The following SRRT variants were observed in gnomAD, a reference collection of about 807,000 sequenced individuals.
The protein encoded by SRRT is serrate RNA effector molecule homolog.
In SRRT, 32 loss-of-function variants were observed where a neutral mutation model predicts 103.2. The ratio of observed to expected loss-of-function variants is 0.31; its 90% CI spans 0.23 to 0.42. The LOEUF (loss-of-function observed/expected upper bound fraction) is 0.42, where lower values mean the gene tolerates loss of function less well. Among genes scored for constraint, SRRT ranks in the 10% least tolerant of loss-of-function variants. The pLI is 1.00. For synonymous variants in SRRT, 525 were observed against 449.0 expected (o/e 1.17, Z -2.14); for missense variants, 986 against 1,207.5 (o/e 0.82, Z 2.72).
chr7:100,887,118 C>A lies in SRRT; in HGVS notation c.1893C>A (p.Pro631=). Residue 631 remains proline (P), a synonymous_variant, in exon 15 of 20, where the codon CCC becomes CCA. Transcript: ENST00000611405. The surrounding 1 kb of genome is among the most constrained non-coding windows in gnomAD (Gnocchi z 4.1). ...ATTATTACAACACCTGTGAGTACCC[C>A]AACGAGGACGAGATGCCCAATCGCT... The part of the protein sequence containing the change: ...SLDYYNTCEY[P]NEDEMPNRCG... The A allele has an allele frequency of 1.9e-6, 3 of 1,614,230 alleles. No homozygotes were observed. The highest frequency in any genetic ancestry group is 1.7e-6 in the Non-Finnish European group (2 of 1,180,046).
In SRRT at chr7:100,885,116, G is replaced by T; in HGVS notation, c.1159+76G>T. The T allele has an allele frequency of 6.2e-7, 1 of 1,604,052 alleles. No homozygotes were observed. The highest frequency in any genetic ancestry group is 1.3e-5 in the African/African-American group (1 of 74,636). ...GGTGAGAGGTTGGCGACATTGACGG[G>T]AGGGTGGGTGGCTTTTAGGGGAAAG... On this transcript the variant is annotated intron_variant, in intron 9 of 19. Coordinates refer to ENST00000611405, the MANE Select transcript of SRRT (RefSeq NM_015908.6). The surrounding 1 kb of genome is among the most constrained non-coding windows in gnomAD (Gnocchi z 4.8).
rs1167536782 is a variant in SRRT, at chr7:100,875,626, C to G, written c.36C>G (p.Arg12=). 1 of 1,614,038 alleles carries G rather than the reference C, an allele frequency of 6.2e-7. No homozygotes were observed. Among genetic ancestry groups the G allele is most frequent in the Non-Finnish European group, 8.5e-7 (1 of 1,179,992 alleles). Residue 12 remains arginine (R), a synonymous_variant, in exon 2 of 20, where the codon CGC becomes CGG. Coordinates refer to ENST00000611405, the MANE Select transcript of SRRT (RefSeq NM_015908.6). ...GDSDDEYDRR[R]RDKFRRERSD... ...GTGATGACGAGTACGATCGAAGGCGCAGGGACAAGTTCAGAAGAGAGCGCA... is the reference window on the plus strand; with the variant it reads ...GTGATGACGAGTACGATCGAAGGCGGAGGGACAAGTTCAGAAGAGAGCGCA...
chr7:100,881,490 C>T (rs1213418949), intron 3 of SRRT, 77 bp downstream of exon 3: 3 of 1,578,110 alleles, frequency 1.9e-6, no homozygotes, highest in Non-Finnish European at 2.6e-6. Context: ...CTCACCTGTG[C>T]CTAAATCTTT....
In SRRT at chr7:100,887,626, GGAATCCTTCCAGCTC is replaced by G; in HGVS notation, c.2170-75_2170-61del. On this transcript the variant is annotated intron_variant, in intron 16 of 19. Transcript: ENST00000611405. The surrounding 1 kb of genome is among the most constrained non-coding windows in gnomAD (Gnocchi z 4.1). ...TTACTGCACTGGCAGGCGGGAGCTG[GGAATCCTTCCAGCTC>G]GGGCCTGGGAGCGAGGCAACCCTTA... is the stretch of plus-strand genomic sequence containing the variant. The G allele has an allele frequency of 6.3e-7, 1 of 1,576,700 alleles. No homozygotes were observed. Among genetic ancestry groups the G allele is most frequent in the Non-Finnish European group, 8.6e-7 (1 of 1,157,132 alleles).
At chr7:100,875,881 TGGCTTGG>T in intron 2 of SRRT, 169 bp downstream of exon 2, 1 of 770,524 alleles carries the variant, frequency 1.3e-6, no homozygotes, top group Non-Finnish European at 2.0e-6. Context: ...TAACTAGCTG[TGGCTTGG>T]TTTTTGAAAT....
At position 100,886,840 on chromosome 7, in the gene SRRT, C is replaced by T. The variant is rs1790170181; in HGVS notation, c.1693C>T (p.Leu565=). 1.9e-6 allele frequency: 3 copies of T among 1,614,216 alleles called. No individual in the cohort carries two copies. The South Asian group carries it at 3.3e-5, about 18-fold the overall frequency. The change falls in exon 14 of 20, where the codon CTG becomes TTG. Residue 565 remains leucine (L), a synonymous_variant. Coordinates refer to ENST00000611405, the MANE Select transcript of SRRT (RefSeq NM_015908.6). ...NPILKNITDY[L]IEEVSAEEEE... The stretch of plus-strand genomic sequence containing the variant: ...GATCTTGAAGAATATCACCGACTAC[C>T]TGATCGAGGAAGTAAGCGCCGAGGA...
Position 100,887,680 on chromosome 7 carries a change from A to AC in SRRT, c.2170-19dup. On this transcript the variant is annotated intron_variant, in intron 16 of 19. Transcript: ENST00000611405. This position sits in a 1 kb window ranked among gnomAD's most constrained non-coding sequence, Gnocchi z 4.1. ...AGGCAACCCTTATGTGGCTGTCCTG[A>AC]CCCCTCTCCTCTCTCCACCCAGGGT... The AC allele has an allele frequency of 6.3e-7, 1 of 1,599,036 alleles. No homozygotes were observed. Among genetic ancestry groups the AC allele is most frequent in the African/African-American group, 1.3e-5 (1 of 74,578 alleles).
chr7:100,886,942 G>C lies in SRRT; in HGVS notation c.1795G>C (p.Val599Leu). The C allele has an allele frequency of 1.9e-6, 3 of 1,612,506 alleles. No individual in the cohort carries two copies. The East Asian group carries it at 6.7e-5, about 36-fold the overall frequency. The change falls in exon 14 of 20, where the codon GTG becomes CTG. Residue 599 changes from valine to leucine, a missense_variant. By Grantham distance (32) the Val-to-Leu change is conservative. This residue lies in a region of SRRT where 349 missense variants were observed against 446.9 expected (regional missense o/e 0.78). Coordinates refer to ENST00000611405, the MANE Select transcript of SRRT (RefSeq NM_015908.6). ...GGAAGGGAACCCGGCAGAGATCAAC[G>C]TGGAGCGGGATGAGAAGTTGATTAA... ...PKEGNPAEINVERDEKLIKVL... is the reference protein window; with the variant it reads ...PKEGNPAEINLERDEKLIKVL...
intron 1 of SRRT, 73 bp from the exon 2 acceptor site, chr7:100,875,500 C>T (rs557511623): frequency 7.6e-6 from 12 of 1,581,664 alleles, no homozygotes; most frequent in East Asian, 2.3e-5. Flanking sequence ...AGCGGGCGAG[C>T]TGCCCGCGAG....
rs867955954 is a variant in SRRT at position 100,885,016 on chromosome 7, G to T, written c.1135G>T (p.Ala379Ser). Residue 379 changes from alanine to serine, a missense_variant, in exon 9 of 20, where the codon GCT (alanine) becomes TCT (serine). By Grantham distance (99) the Ala-to-Ser change is moderately conservative. This residue lies in a region of SRRT where 166 missense variants were observed against 148.6 expected (regional missense o/e 1.12). Transcript: ENST00000611405. The surrounding 1 kb of genome is among the most constrained non-coding windows in gnomAD (Gnocchi z 4.8). Reference sequence around the variant, plus strand: ...TGAGTCGGAGTCAGAGAGCGGCCAGGCTGAGGAGGAGAAGGAGGAGGCCGG... The same window carrying T: ...TGAGTCGGAGTCAGAGAGCGGCCAGTCTGAGGAGGAGAAGGAGGAGGCCGG... ...ESESESESGQ[A>S]EEEKEEAEEA... The T allele has an allele frequency of 1.2e-6, 2 of 1,614,034 alleles. No individual in the cohort carries two copies. The highest frequency in any genetic ancestry group is 3.3e-4 in the Middle Eastern group (2 of 6,060).
Position 100,885,996 on chromosome 7 carries a change from G to A in SRRT, c.1458+55G>A, listed in dbSNP as rs138839868. 294 of 1,560,718 alleles carry A rather than the reference G, an allele frequency of 1.9e-4. No homozygotes were observed. In the African/African-American group the frequency reaches 3.2e-3, roughly 17 times the overall value. ...GAGGAAGGGAGACTCTGTGCCACAC[G>A]GGACCTCTGTGTGACTTTGTTCATC... On this transcript the variant is annotated intron_variant, in intron 12 of 19. Transcript: ENST00000611405. This position sits in a 1 kb window ranked among gnomAD's most constrained non-coding sequence, Gnocchi z 4.8.
Position 100,885,099 on chromosome 7 carries a change from G to A in SRRT, c.1159+59G>A, listed in dbSNP as rs3757868. The A allele has an allele frequency of 0.17, 269,005 of 1,607,004 alleles. 24,231 individuals carry two copies. The highest frequency in any genetic ancestry group is 0.2 in the Middle Eastern group (1,234 of 6,026). On this transcript the variant is annotated intron_variant, in intron 9 of 19. Coordinates refer to ENST00000611405, the MANE Select transcript of SRRT (RefSeq NM_015908.6). This position sits in a 1 kb window ranked among gnomAD's most constrained non-coding sequence, Gnocchi z 4.8. ...CCTAATGCGGGTGGGGAGGTGAGAG[G>A]TTGGCGACATTGACGGGAGGGTGGG...
chr7:100,884,292 G>T (rs1789865498), intron 6 of SRRT, 53 bp downstream of exon 6: 2 of 1,610,514 alleles, frequency 1.2e-6, no homozygotes, highest in East Asian at 4.5e-5. Context: ...GGGTGGGGGT[G>T]TCTGGGGATC....
rs764626895 is a variant in SRRT at position 100,888,126 on chromosome 7, C to T, written c.2411C>T (p.Pro804Leu). Residue 804 changes from proline to leucine, a missense_variant, in exon 18 of 20, where the codon CCG becomes CTG. This residue lies in a region of SRRT where 178 missense variants were observed against 189.6 expected (regional missense o/e 0.94). Coordinates refer to ENST00000611405, the MANE Select transcript of SRRT (RefSeq NM_015908.6). ...ATGCCCTATGGTCAGCCCCGGCCCC[C>T]GATCTTGGGCTATGGAGGTAAGTAC... ...GLMPYGQPRP[P>L]ILGYGAGAVR... 9 of 1,610,492 alleles carry T rather than the reference C, an allele frequency of 5.6e-6. No individual in the cohort carries two copies. Among genetic ancestry groups the T allele is most frequent in the East Asian group, 4.5e-5 (2 of 44,880 alleles).
chr7:100,886,666 A>G lies in SRRT; in HGVS notation c.1648-129A>G, dbSNP rs935704399. ...AAAGCTAAAATAAAGACAAATCTCA[A>G]GGGGGCAAAAGGTGCCATTTATGTC... On this transcript the variant is annotated intron_variant, in intron 13 of 19. Coordinates refer to ENST00000611405, the MANE Select transcript of SRRT (RefSeq NM_015908.6). The G allele has an allele frequency of 5.3e-6, 6 of 1,125,342 alleles. No homozygotes were observed. In the African/African-American group the frequency reaches 7.8e-5, roughly 15 times the overall value. 69.7% of individuals were successfully genotyped at this position (1,125,342 alleles called of 1,614,324 possible). A position where few individuals can be genotyped will look rare whatever the true frequency, so the allele number is the denominator to read the frequency against.
In SRRT at chr7:100,887,886, T is replaced by C. The variant is rs1301816996; in HGVS notation, c.2326+27T>C. 1.4e-5 allele frequency: 23 copies of C among 1,588,100 alleles called. No individual in the cohort carries two copies. The highest frequency in any genetic ancestry group is 2.0e-5 in the Non-Finnish European group (23 of 1,161,296). ...TAAGATACGATCCATGAAGGTCGCATGTGCCCTCTTCCTTGACTACCCAGG... is the reference window on the plus strand; with the variant it reads ...TAAGATACGATCCATGAAGGTCGCACGTGCCCTCTTCCTTGACTACCCAGG... On this transcript the variant is annotated intron_variant, in intron 17 of 19. Transcript: ENST00000611405. This position sits in a 1 kb window ranked among gnomAD's most constrained non-coding sequence, Gnocchi z 4.1.
chr7:100,876,829 A>G (rs1815758637), intron 2 of SRRT, among the ~76,000 whole-genome samples: 1 of 152,268 alleles, frequency 6.6e-6, no homozygotes. Flanking sequence ...GTTGTGTGTC[A>G]GGGACCCACT....
chr7:100,888,166 G>A (rs754042807), intron 18 of SRRT, 23 bp downstream of exon 18: 38 of 1,602,396 alleles, frequency 2.4e-5, no homozygotes, highest in Non-Finnish European at 3.2e-5. Context: ...GGGAGATGAA[G>A]GGGCTTGGTG....
rs1232213215 is a variant in SRRT, at chr7:100,885,112, A to T, written c.1159+72A>T. Reference sequence around the variant, plus strand: ...GGGAGGTGAGAGGTTGGCGACATTGACGGGAGGGTGGGTGGCTTTTAGGGG... The same window carrying T: ...GGGAGGTGAGAGGTTGGCGACATTGTCGGGAGGGTGGGTGGCTTTTAGGGG... On this transcript the variant is annotated intron_variant, in intron 9 of 19. Coordinates refer to ENST00000611405, the MANE Select transcript of SRRT (RefSeq NM_015908.6). This position sits in a 1 kb window ranked among gnomAD's most constrained non-coding sequence, Gnocchi z 4.8. 1 of 1,604,090 alleles carries T rather than the reference A, an allele frequency of 6.2e-7. No individual in the cohort carries two copies. Among genetic ancestry groups the T allele is most frequent in the Non-Finnish European group, 8.5e-7 (1 of 1,173,910 alleles).
Sources: gnomAD v4.1 joint callset for allele counts (sites outside exome capture counted in the v4.1 genomes callset) on GRCh38, gnomAD v4.1.1 for gene constraint, gnomAD v4.1.1 regional missense constraint, Gnocchi (gnomAD v3.1) non-coding constraint, MANE v1.5 for transcripts, NCBI Gene and HGNC (gene_info 2026-07-23, HGNC 2026-07-21) for gene names.